Variants in GNAS-AS1 observed in about 807,000 individuals in gnomAD.
GNAS-AS1 encodes the protein GNAS antisense RNA 1, also known as GNAS antisense RNA 1 (non-protein coding).
rs1380642653 is a variant in GNAS-AS1 at position 58,840,172 on chromosome 20, G to A, written n.819+1765C>T. On this transcript the variant is annotated intron_variant and non_coding_transcript_variant, in intron 4 of 4. Coordinates refer to ENST00000424094, the Ensembl canonical transcript of GNAS-AS1. The surrounding 1 kb of genome is among the most constrained non-coding windows in gnomAD (Gnocchi z 6.0). ...GCCATAATTACAACGACCTGTGCCC[G>A]CCCATAGGCCGCCGGGCAGCCACCG... 1.9e-6 allele frequency: 3 copies of A among 1,611,588 alleles called. No homozygotes were observed. Among genetic ancestry groups the A allele is most frequent in the Admixed American group, 1.7e-5 (1 of 60,024 alleles).
chr20:58,842,009 A>ATCAGTC (rs1352265290), exon 4 of GNAS-AS1: 1 of 861,340 alleles, frequency 1.2e-6, no homozygotes, highest in African/African-American at 1.7e-5. Context: ...TCCTTGGACG[A>ATCAGTC]TCAGTCGTCG....
At position 58,840,984 on chromosome 20, in the gene GNAS-AS1, G is replaced by C; in HGVS notation, n.819+953C>G. 1 of 1,305,506 alleles carries C rather than the reference G, an allele frequency of 7.7e-7. No individual in the cohort carries two copies. Among genetic ancestry groups the C allele is most frequent in the East Asian group, 2.5e-5 (1 of 40,076 alleles). 80.9% of individuals were successfully genotyped at this position (1,305,506 alleles called of 1,614,324 possible). A position where few individuals can be genotyped will look rare whatever the true frequency, so the allele number is the denominator to read the frequency against. The stretch of plus-strand genomic sequence containing the variant: ...AGGAAAGGCAGGTCAGGGGCGAGTG[G>C]GAAGAGAGGAGGCTCAGCTGGTCAG... On this transcript the variant is annotated intron_variant and non_coding_transcript_variant, in intron 4 of 4. Transcript: ENST00000424094. This position sits in a 1 kb window ranked among gnomAD's most constrained non-coding sequence, Gnocchi z 6.0.
intron 4 of GNAS-AS1, among the ~76,000 whole-genome samples, chr20:58,823,236 G>T (rs2085497651): frequency 6.6e-6 from 1 of 152,166 alleles, no homozygotes; most frequent in Admixed American, 6.5e-5. Flanking sequence ...AATATCCCCA[G>T]CTGTTTAAAT....
At chr20:58,819,774 T>A (rs548488953) in intron 4 of GNAS-AS1, among the ~76,000 whole-genome samples, 33 of 152,150 alleles carry the variant, frequency 2.2e-4, no homozygotes, top group African/African-American at 7.5e-4. Flanking sequence ...CCAACCAGGA[T>A]TGTTTCCATC....
chr20:58,850,235 C>G (rs1399168022), intron 1 of GNAS-AS1, among the ~76,000 whole-genome samples: 1 of 152,186 alleles, frequency 6.6e-6, no homozygotes, highest in Non-Finnish European at 1.5e-5. Flanking sequence ...AGGTGGAGTT[C>G]TTTTCTTCCA....
At chr20:58,850,448 C>T (rs547972515) in intron 1 of GNAS-AS1, 2 of 397,592 alleles carry the variant, frequency 5.0e-6, no homozygotes, top group East Asian at 3.6e-5. Flanking sequence ...TGGGGGTGAG[C>T]GCGAGGCCTG....
In GNAS-AS1 at chr20:58,835,915, G is replaced by C. The variant is rs574114531; in HGVS notation, n.819+6022C>G. The stretch of plus-strand genomic sequence containing the variant: ...CAAGTGATGAGTTGTGGAGCAAAGA[G>C]CCTCCACGCCCTGCCTTGGTGAGGA... On this transcript the variant is annotated intron_variant and non_coding_transcript_variant, in intron 4 of 4. Coordinates refer to ENST00000424094, the Ensembl canonical transcript of GNAS-AS1. Among the ~76,000 whole-genome samples, 3 of 145,578 alleles carry C rather than the reference G, an allele frequency of 2.1e-5. No homozygotes were observed. The East Asian group carries it at 6.4e-4, about 31-fold the overall frequency.
intron 4 of GNAS-AS1, among the ~76,000 whole-genome samples, chr20:58,833,371 C>A (rs965808): frequency 0.75 from 113,343 of 152,086 alleles, 42,610 homozygotes; most frequent in East Asian, 0.8. Flanking sequence ...GATGGGGAAG[C>A]GGGGGTCCAG....
At chr20:58,830,008 G>T (rs1454632031) in intron 4 of GNAS-AS1, among the ~76,000 whole-genome samples, 2 of 152,016 alleles carry the variant, frequency 1.3e-5, no homozygotes, top group Non-Finnish European at 2.9e-5. Context: ...CACTAAAAGA[G>T]AACTGGAAAG....
intron 4 of GNAS-AS1, chr20:58,839,118 C>A (rs112482613): frequency 2.3e-5 from 9 of 398,552 alleles, no homozygotes; most frequent in African/African-American, 8.2e-5. Context: ...GAGCTCAGGG[C>A]AGTCCTCAGA....
chr20:58,825,756 A>G (rs2085515574), intron 4 of GNAS-AS1, among the ~76,000 whole-genome samples: 1 of 152,218 alleles, frequency 6.6e-6, no homozygotes, highest in Non-Finnish European at 1.5e-5. Context: ...CTCTGCCAAC[A>G]AAGGCCACTC....
intron 4 of GNAS-AS1, among the ~76,000 whole-genome samples, chr20:58,820,757 A>G (rs2085481121): frequency 6.6e-6 from 1 of 152,270 alleles, no homozygotes; most frequent in Non-Finnish European, 1.5e-5. Context: ...GCGCTTGCGC[A>G]GGCAAACTCC....
chr20:58,838,438 A>G (rs1461884144), intron 4 of GNAS-AS1, among the ~76,000 whole-genome samples: 18 of 152,194 alleles, frequency 1.2e-4, no homozygotes, highest in Admixed American at 1.1e-3. Context: ...AGATTAAACA[A>G]TGTTGGTGGG....
At chr20:58,850,860 ACCCCAGCAGC>A (rs1402073029) in exon 1 of GNAS-AS1, 1 of 397,976 alleles carries the variant, frequency 2.5e-6, no homozygotes, top group Non-Finnish European at 4.4e-6. Flanking sequence ...GCTTCCAACC[ACCCCAGCAGC>A]ACCTCTTCGG....
At position 58,841,511 on chromosome 20, in the gene GNAS-AS1, T is replaced by C; in HGVS notation, n.819+426A>G. The C allele has an allele frequency of 1.0e-6, 1 of 992,042 alleles. No individual in the cohort carries two copies. The highest frequency in any genetic ancestry group is 1.7e-5 in the African/African-American group (1 of 57,588). The allele number at this position is 992,042 out of a possible 1,614,324, so 61.5% of individuals were successfully genotyped here. On this transcript the variant is annotated intron_variant and non_coding_transcript_variant, in intron 4 of 4. Transcript: ENST00000424094. This position sits in a 1 kb window ranked among gnomAD's most constrained non-coding sequence, Gnocchi z 5.0. ...GAGCTGACAATTAAGCCGCGGGACC[T>C]CCGCGCCAGTGCCTCCAGCTGCCGT... is the stretch of plus-strand genomic sequence containing the variant.
intron 2 of GNAS-AS1, among the ~76,000 whole-genome samples, chr20:58,844,827 CAACA>C (rs1280726133): frequency 6.6e-6 from 1 of 151,662 alleles, no homozygotes; most frequent in Non-Finnish European, 1.5e-5. Flanking sequence ...ACAACAACAA[CAACA>C]AAAAACCCCG....
Position 58,835,700 on chromosome 20 carries a change from AG to A in GNAS-AS1, n.819+6236del, listed in dbSNP as rs1427947832. On this transcript the variant is annotated intron_variant and non_coding_transcript_variant, in intron 4 of 4. Coordinates refer to ENST00000424094, the Ensembl canonical transcript of GNAS-AS1. The stretch of plus-strand genomic sequence containing the variant: ...ATCAATGTGTGTGATGTTGGATGGC[AG>A]GAATTGCTCATCCTCAATTACTTCG... 2.0e-5 allele frequency among the ~76,000 whole-genome samples: 3 copies of A among 152,236 alleles called. No homozygotes were observed. The East Asian group carries it at 5.8e-4, about 29-fold the overall frequency.
chr20:58,839,004 C>T (rs1472984579), intron 4 of GNAS-AS1: 7 of 398,284 alleles, frequency 1.8e-5, no homozygotes, highest in South Asian at 1.3e-4. Flanking sequence ...TGAACTGCCC[C>T]GCAGGAGAGA....
intron 4 of GNAS-AS1, chr20:58,839,388 C>G (rs1009996053): frequency 1.0e-5 from 4 of 399,544 alleles, no homozygotes; most frequent in Non-Finnish European, 1.8e-5. Flanking sequence ...TGAATATTTG[C>G]TATTTGGGGT....
Sources: allele counts gnomAD v4.1 joint callset (sites outside exome capture counted in the v4.1 genomes callset), GRCh38; gene constraint gnomAD v4.1.1; non-coding constraint Gnocchi (gnomAD v3.1); transcripts MANE v1.5; gene names NCBI Gene and HGNC (gene_info 2026-07-23, HGNC 2026-07-21).